Variants in JAK2 observed in about 807,000 individuals in gnomAD.
JAK2 encodes Janus kinase 2, also known as tyrosine-protein kinase JAK2.
JAK2 carries 86 observed loss-of-function variants against 139.3 expected under a neutral mutation model. That is an observed-to-expected ratio of 0.62 (90% confidence interval 0.52 to 0.74). The LOEUF (loss-of-function observed/expected upper bound fraction) is 0.74, where lower values mean the gene tolerates loss of function less well. Ranked by LOEUF, JAK2 falls within the 30% of genes least tolerant of loss-of-function variation. The probability of loss-of-function intolerance (pLI) is 0.00; values close to 1 mark genes in which losing one functional copy is unlikely to be tolerated. For synonymous variants in JAK2, 490 were observed against 437.7 expected, an observed-to-expected ratio of 1.12 and a Z score of -1.49; for missense variants, 1,421 against 1,360.3, an observed-to-expected ratio of 1.04 and a Z score of -0.70.
chr9:5,115,368 C>G (rs576534757), intron 22 of JAK2, among the ~76,000 whole-genome samples: 1 of 152,294 alleles, frequency 6.6e-6, no homozygotes, highest in East Asian at 1.9e-4. Flanking sequence ...GAGGTACCAT[C>G]TCATGCCAGT....
At chr9:5,002,135 G>C (rs1035848457) in intron 2 of JAK2, among the ~76,000 whole-genome samples, 2 of 151,598 alleles carry the variant, frequency 1.3e-5, no homozygotes, top group African/African-American at 4.8e-5. Flanking sequence ...CAAAGTTTTG[G>C]TTTGATTGAT....
intron 3 of JAK2, among the ~76,000 whole-genome samples, chr9:5,022,922 T>C (rs1822525938): frequency 6.6e-6 from 1 of 152,352 alleles, no homozygotes; most frequent in Admixed American, 6.5e-5. Flanking sequence ...TAATATAGTA[T>C]TTATAAGAAT....
chr9:5,065,871 G>C (rs542014350), intron 9 of JAK2, among the ~76,000 whole-genome samples: 1 of 152,022 alleles, frequency 6.6e-6, no homozygotes, highest in Non-Finnish European at 1.5e-5. Context: ...ATACATCTTG[G>C]GTAATATAAA....
chr9:5,004,732 A>G (rs564987394), intron 2 of JAK2, among the ~76,000 whole-genome samples: 5 of 152,284 alleles, frequency 3.3e-5, no homozygotes, highest in African/African-American at 1.2e-4. Flanking sequence ...GTAAAAATTT[A>G]CATTTTCCCA....
intron 2 of JAK2, among the ~76,000 whole-genome samples, chr9:5,005,881 G>A (rs889081740): frequency 2.0e-5 from 3 of 152,182 alleles, no homozygotes; most frequent in Non-Finnish European, 4.4e-5. Flanking sequence ...GTACCATGCT[G>A]TTTTGGTTAC....
At chr9:5,033,942 T>TG (rs749916350) in intron 4 of JAK2, among the ~76,000 whole-genome samples, 128 of 152,246 alleles carry the variant, frequency 8.4e-4, no homozygotes, top group Non-Finnish European at 1.5e-3. Context: ...AGACACAGAC[T>TG]GGTAAACTGG....
intron 22 of JAK2, among the ~76,000 whole-genome samples, chr9:5,107,513 T>C (rs1186298581): frequency 2.0e-5 from 3 of 152,178 alleles, no homozygotes; most frequent in Non-Finnish European, 2.9e-5. Context: ...CTAGTTATCA[T>C]TTTAATCCTA....
rs759528768 is a variant in JAK2 at position 5,070,031 on chromosome 9, C to A, written c.1620C>A (p.Ile540=). The part of the protein sequence containing the change: ...THMNQMVFHK[I]RNEDLIFNES... The stretch of plus-strand genomic sequence containing the variant: ...TGAACCAAATGGTGTTTCACAAAAT[C>A]AGAAATGAAGATTTGATATTTGTAA... Residue 540 remains isoleucine, a synonymous_variant, in exon 12 of 25, where the codon ATC becomes ATA. Coordinates refer to ENST00000381652, the MANE Select transcript of JAK2 (RefSeq NM_004972.4). 4.4e-6 allele frequency: 7 copies of A among 1,605,434 alleles called. No individual in the cohort carries two copies. In the Admixed American group the frequency reaches 5.1e-5, roughly 12 times the overall value.
In JAK2 at chr9:5,066,693, T is replaced by C. The variant is rs779267588; in HGVS notation, c.1230T>C (p.Ile410=). The C allele has an allele frequency of 6.2e-7, 1 of 1,600,844 alleles. No homozygotes were observed. The highest frequency in any genetic ancestry group is 8.6e-7 in the Non-Finnish European group (1 of 1,168,672). Residue 410 remains isoleucine, a synonymous_variant, in exon 10 of 25, where the codon ATT becomes ATC. Transcript: ENST00000381652. ...CHGPISMDFA[I]SKLKKAGNQT... is the part of the protein sequence containing the mutation. ...TTACCTTTAGGATGGATTTTGCCAT[T>C]AGTAAACTGAAGAAAGCAGGTAATC... is the stretch of plus-strand genomic sequence containing the variant.
intron 22 of JAK2, chr9:5,111,524 C>A: frequency 2.7e-6 from 1 of 369,522 alleles, no homozygotes; most frequent in Admixed American, 3.7e-5. Context: ...CGCCAAGACG[C>A]CCAGCAGCGC....
At chr9:5,042,954 C>T (rs1480749913) in intron 4 of JAK2, among the ~76,000 whole-genome samples, 1 of 152,238 alleles carries the variant, frequency 6.6e-6, no homozygotes, top group Admixed American at 6.5e-5. Context: ...GCACCTGTTC[C>T]CCGAGGCTGT....
At chr9:5,003,080 CATTTGTCT>C (rs1362470755) in intron 2 of JAK2, among the ~76,000 whole-genome samples, 1 of 151,872 alleles carries the variant, frequency 6.6e-6, no homozygotes, top group Non-Finnish European at 1.5e-5. Flanking sequence ...TATTCTGTTC[CATTTGTCT>C]ATTTGTTCAT....
rs530822421 is a variant in JAK2 at position 5,058,503 on chromosome 9, G to A, written c.1056+2715G>A. On this transcript the variant is annotated intron_variant, in intron 8 of 24. Transcript: ENST00000381652. ...TCACCTCCCACCATGTCCCTCCCTC[G>A]ACACATGGGGATTACAATTAAAGAT... 1.9e-4 allele frequency among the ~76,000 whole-genome samples: 29 copies of A among 152,148 alleles called. No homozygotes were observed. The East Asian group carries it at 4.4e-3, about 23-fold the overall frequency.
intron 23 of JAK2, among the ~76,000 whole-genome samples, chr9:5,124,923 C>A (rs1388427461): frequency 6.6e-6 from 1 of 151,350 alleles, no homozygotes; most frequent in Non-Finnish European, 1.5e-5. Context: ...CAAACCTATT[C>A]CTAAACTAGC....
rs1171285786 is a variant in JAK2 at position 5,129,863 on chromosome 9, G to C, written c.*3072G>C. Among the ~76,000 whole-genome samples, 1 of 152,062 alleles carries C rather than the reference G, an allele frequency of 6.6e-6. No homozygotes were observed. Among genetic ancestry groups the C allele is most frequent in the Admixed American group, 6.6e-5 (1 of 15,264 alleles). ...TTAATCAGATTCTTAGTAAAATGCA[G>C]ACTGTATACCTAAATATTAAAATAT... On this transcript the variant is annotated 3_prime_UTR_variant, in exon 25 of 25. Transcript: ENST00000381652.
Position 5,078,314 on chromosome 9 carries a change from C to T in JAK2, c.2001C>T (p.Asn667=), listed in dbSNP as rs1301811714. 1.9e-6 allele frequency: 3 copies of T among 1,610,680 alleles called. No homozygotes were observed. The South Asian group carries it at 3.3e-5, about 18-fold the overall frequency. ...GCGTTTAACTCTAATAGGAAGAAAACACCCTTATTCATGGGAATGTATGTG... is the reference window on the plus strand; with the variant it reads ...GCGTTTAACTCTAATAGGAAGAAAATACCCTTATTCATGGGAATGTATGTG... ...LAWAMHFLEE[N]TLIHGNVCAK... Residue 667 remains asparagine, a synonymous_variant, in exon 16 of 25, where the codon AAC becomes AAT. Coordinates refer to ENST00000381652, the MANE Select transcript of JAK2 (RefSeq NM_004972.4).
intron 2 of JAK2, among the ~76,000 whole-genome samples, chr9:5,002,732 G>C (rs1273497359): frequency 6.6e-6 from 1 of 151,846 alleles, no homozygotes; most frequent in African/African-American, 2.4e-5. Flanking sequence ...GAAATTTTTA[G>C]TGTAATAGTT....
intron 2 of JAK2, among the ~76,000 whole-genome samples, chr9:4,998,861 C>T (rs994471683): frequency 5.3e-5 from 8 of 151,890 alleles, no homozygotes; most frequent in African/African-American, 1.9e-4. Context: ...GATGGAGTCT[C>T]CCTCTGTCAC....
chr9:5,090,105 G>A lies in JAK2; in HGVS notation c.2761+242G>A, dbSNP rs10974954. Among the ~76,000 whole-genome samples, 7 of 152,136 alleles carry A rather than the reference G, an allele frequency of 4.6e-5. No individual in the cohort carries two copies. In the East Asian group the frequency reaches 1.4e-3, roughly 29 times the overall value. ...TTACCAAGAAAGTATCATTTTTAAA[G>A]GAATTGTTTTTGTTTACATTTTCTA... is the stretch of plus-strand genomic sequence containing the variant. On this transcript the variant is annotated intron_variant, in intron 20 of 24. Coordinates refer to ENST00000381652, the MANE Select transcript of JAK2 (RefSeq NM_004972.4).
Sources: allele counts gnomAD v4.1 joint callset (sites outside exome capture counted in the v4.1 genomes callset), GRCh38; gene constraint gnomAD v4.1.1; transcripts MANE v1.5; gene names NCBI Gene and HGNC (gene_info 2026-07-23, HGNC 2026-07-21).